The following PDE4D variants were observed in gnomAD, a reference collection of about 807,000 sequenced individuals.
PDE4D encodes the protein phosphodiesterase 4D.
A neutral mutation model predicts 87.4 loss-of-function variants in PDE4D; 24 were observed. The ratio of observed to expected loss-of-function variants is 0.27; its 90% CI spans 0.20 to 0.39. The LOEUF (loss-of-function observed/expected upper bound fraction) is 0.39. PDE4D is among the 10% of genes least tolerant of loss of function. The pLI, the probability that PDE4D is intolerant of heterozygous loss-of-function variation, is 1.00. For missense variants in PDE4D, 714 were observed against 1,041.0 expected, an observed-to-expected ratio of 0.69 and a Z score of 4.32; for synonymous variants, 384 against 383.2, an observed-to-expected ratio of 1.00 and a Z score of -0.02.
chr5:59,727,035 C>T (rs1185735128), intron 1 of PDE4D, among the ~76,000 whole-genome samples: 5 of 152,092 alleles, frequency 3.3e-5, no homozygotes, highest in South Asian at 4.2e-4. Flanking sequence ...AAAGTCAAAA[C>T]ATACGATATA....
At chr5:60,380,249 A>G (rs1361459397) in intron 1 of PDE4D, among the ~76,000 whole-genome samples, 1 of 152,194 alleles carries the variant, frequency 6.6e-6, no homozygotes, top group Non-Finnish European at 1.5e-5. Context: ...AGTGTATCCT[A>G]GCTGGCCTCT....
intron 1 of PDE4D, among the ~76,000 whole-genome samples, chr5:59,723,534 CAGA>C (rs1046286270): frequency 6.6e-6 from 1 of 151,980 alleles, no homozygotes; most frequent in African/African-American, 2.4e-5. Context: ...ATGAGAAAAA[CAGA>C]AGTTGTGATG....
intron 1 of PDE4D, among the ~76,000 whole-genome samples, chr5:59,360,984 T>C (rs1177378598): frequency 6.6e-6 from 1 of 152,176 alleles, no homozygotes; most frequent in Non-Finnish European, 1.5e-5. Flanking sequence ...TTAAATATAA[T>C]GATAAAAAAT....
intron 1 of PDE4D, among the ~76,000 whole-genome samples, chr5:59,365,548 G>A (rs1349536355): frequency 6.6e-6 from 1 of 152,100 alleles, no homozygotes; most frequent in Non-Finnish European, 1.5e-5. Flanking sequence ...GTTATTTTTG[G>A]TGAAACGCCA....
chr5:60,114,940 A>G (rs150101084), intron 2 of PDE4D, among the ~76,000 whole-genome samples: 2 of 71,628 alleles, frequency 2.8e-5, no homozygotes, highest in African/African-American at 5.5e-5. Flanking sequence ...TTAGATAGAT[A>G]CATGGATGGA....
At chr5:59,731,395 C>T (rs1399308481) in intron 1 of PDE4D, among the ~76,000 whole-genome samples, 2 of 151,982 alleles carry the variant, frequency 1.3e-5, no homozygotes, top group Non-Finnish European at 2.9e-5. Context: ...CTGAGGATGG[C>T]TGGCACAGAA....
At chr5:59,206,404 C>T (rs1489461726) in intron 2 of PDE4D, among the ~76,000 whole-genome samples, 1 of 152,156 alleles carries the variant, frequency 6.6e-6, no homozygotes, top group East Asian at 1.9e-4. Flanking sequence ...TATCTTATCT[C>T]AAGAAACACA....
At chr5:60,081,324 C>CAAA (rs35584107) in intron 2 of PDE4D, among the ~76,000 whole-genome samples, 72 of 140,796 alleles carry the variant, frequency 5.1e-4, no homozygotes, top group African/African-American at 1.7e-3. Flanking sequence ...TTAGTTTTTT[C>CAAA]AAAAAAAAAA....
chr5:60,232,927 C>T (rs1158396089), intron 1 of PDE4D, among the ~76,000 whole-genome samples: 2 of 151,710 alleles, frequency 1.3e-5, no homozygotes, highest in African/African-American at 2.4e-5. Context: ...AAATAGTGAA[C>T]ACATGCAAAC....
At chr5:59,863,333 T>C (rs1315590708) in intron 1 of PDE4D, among the ~76,000 whole-genome samples, 1 of 152,196 alleles carries the variant, frequency 6.6e-6, no homozygotes, top group Admixed American at 6.5e-5. Flanking sequence ...CCATTATTTA[T>C]ATATGTGAAT....
At chr5:59,933,879 C>T (rs1375666861) in intron 3 of PDE4D, among the ~76,000 whole-genome samples, 1 of 151,974 alleles carries the variant, frequency 6.6e-6, no homozygotes, top group Non-Finnish European at 1.5e-5. Flanking sequence ...CTGGTTGACC[C>T]AAGACAACTG....
At chr5:60,350,059 A>G (rs1554020049) in intron 1 of PDE4D, among the ~76,000 whole-genome samples, 2 of 152,128 alleles carry the variant, frequency 1.3e-5, no homozygotes, top group Non-Finnish European at 1.5e-5. Flanking sequence ...ATAGGGAAGG[A>G]TTTCAAATAG....
chr5:60,133,744 T>C (rs1036050292), intron 2 of PDE4D, among the ~76,000 whole-genome samples: 1 of 152,296 alleles, frequency 6.6e-6, no homozygotes, highest in African/African-American at 2.4e-5. Flanking sequence ...TAGGACATCT[T>C]AATTATTAAG....
intron 3 of PDE4D, chr5:59,986,598 C>A (rs1171158279): frequency 1.3e-5 from 2 of 152,100 alleles, no homozygotes; most frequent in African/African-American, 2.4e-5. Flanking sequence ...TCTAAGATAA[C>A]CTGGTGTGTA....
intron 1 of PDE4D, among the ~76,000 whole-genome samples, chr5:60,240,800 G>A (rs903864435): frequency 1.3e-5 from 2 of 152,128 alleles, no homozygotes; most frequent in African/African-American, 2.4e-5. Flanking sequence ...CTATGATTCT[G>A]CAAGAACCAC....
chr5:59,367,855 G>T (rs1278668942), intron 1 of PDE4D, among the ~76,000 whole-genome samples: 5 of 152,144 alleles, frequency 3.3e-5, no homozygotes, highest in Non-Finnish European at 2.9e-5. Flanking sequence ...TCCACTTCGT[G>T]CCAGTTTGCA....
chr5:59,117,291 T>A (rs1018566265), intron 5 of PDE4D, among the ~76,000 whole-genome samples: 5 of 152,232 alleles, frequency 3.3e-5, no homozygotes, highest in Admixed American at 3.3e-4. Flanking sequence ...CCTTAAAAAT[T>A]GCTTTTGTCA....
intron 3 of PDE4D, among the ~76,000 whole-genome samples, chr5:59,964,556 T>C (rs1331505082): frequency 6.6e-6 from 1 of 152,184 alleles, no homozygotes; most frequent in Non-Finnish European, 1.5e-5. Context: ...ACATAGGCAA[T>C]GTCTTCTATA....
At chr5:59,880,656 C>T (rs1749304154) in intron 1 of PDE4D, among the ~76,000 whole-genome samples, 2 of 152,136 alleles carry the variant, frequency 1.3e-5, no homozygotes, top group South Asian at 2.1e-4. Flanking sequence ...AAGCACACTA[C>T]CTCTTCACCA....
Sources: allele counts gnomAD v4.1 joint callset (sites outside exome capture counted in the v4.1 genomes callset), GRCh38; gene constraint gnomAD v4.1.1; transcripts MANE v1.5; gene names NCBI Gene and HGNC (gene_info 2026-07-23, HGNC 2026-07-21).